Variants in ARHGAP26 observed in about 807,000 individuals in gnomAD.
ARHGAP26 encodes Rho GTPase activating protein 26.
Under a neutral mutation model 104.8 loss-of-function variants are expected in ARHGAP26, and 38 were observed. That is an observed-to-expected ratio of 0.36 (90% CI 0.28 to 0.48). The LOEUF is 0.48. Among genes scored for constraint, ARHGAP26 ranks in the 20% least tolerant of loss-of-function variants. The probability of loss-of-function intolerance (pLI) is 0.99; values close to 1 mark genes in which losing one functional copy is unlikely to be tolerated. For missense variants in ARHGAP26, 704 were observed against 947.9 expected, an observed-to-expected ratio of 0.74 and a Z score of 3.38; for synonymous variants, 341 against 340.0, an observed-to-expected ratio of 1.00 and a Z score of -0.03.
intron 20 of ARHGAP26, among the ~76,000 whole-genome samples, chr5:143,148,045 A>G (rs1799367789): frequency 6.6e-6 from 1 of 152,156 alleles, no homozygotes; most frequent in African/African-American, 2.4e-5. Flanking sequence ...TCAACCCCAC[A>G]TTGCTTCACA....
intron 18 of ARHGAP26, among the ~76,000 whole-genome samples, 158 bp downstream of exon 18, chr5:143,121,305 T>C (rs1443398859): frequency 6.6e-6 from 1 of 152,156 alleles, no homozygotes; most frequent in Non-Finnish European, 1.5e-5. Flanking sequence ...GTGATGATAA[T>C]GTAAGGTTGG....
chr5:142,878,584 A>G (rs1283679625), intron 3 of ARHGAP26, among the ~76,000 whole-genome samples: 9 of 152,044 alleles, frequency 5.9e-5, no homozygotes, highest in Admixed American at 5.9e-4. Flanking sequence ...GTAGTGGTGA[A>G]CCAGAACACA....
Position 143,227,010 on chromosome 5 carries a change from C to T in ARHGAP26, c.*4564C>T, listed in dbSNP as rs1811729132. ...AAGCTCTGTCTTGACTGCAGAGGCT[C>T]CAAAAGCATTCACAGTTGAGGGGGA... On this transcript the variant is annotated 3_prime_UTR_variant, in exon 23 of 23. Transcript: ENST00000645722. 4.4e-6 allele frequency: 1 copy of T among 228,838 alleles called. No individual in the cohort carries two copies. Among genetic ancestry groups the T allele is most frequent in the Non-Finnish European group, 8.7e-6 (1 of 115,404 alleles). 14.2% of individuals were successfully genotyped at this position (228,838 alleles called of 1,614,324 possible).
intron 3 of ARHGAP26, 37 bp downstream of exon 3, chr5:142,875,208 A>G (rs751119809): frequency 1.4e-5 from 23 of 1,600,406 alleles, no homozygotes; most frequent in Non-Finnish European, 1.5e-5. Context: ...CCCAGATAGT[A>G]TATTCGTGTT....
At chr5:143,122,242 G>A (rs993373466) in intron 18 of ARHGAP26, among the ~76,000 whole-genome samples, 40 of 152,016 alleles carry the variant, frequency 2.6e-4, no homozygotes, top group Admixed American at 1.3e-4. Flanking sequence ...ACCTGATCTC[G>A]TCTCCTGCAT....
At chr5:143,196,292 C>A (rs575812672) in intron 20 of ARHGAP26, among the ~76,000 whole-genome samples, 14 of 152,204 alleles carry the variant, frequency 9.2e-5, no homozygotes, top group African/African-American at 2.4e-4. Flanking sequence ...ATGTTTATGG[C>A]AATCAATTAG....
chr5:143,121,873 C>T (rs901859956), intron 18 of ARHGAP26, among the ~76,000 whole-genome samples: 1 of 152,104 alleles, frequency 6.6e-6, no homozygotes, highest in Admixed American at 6.6e-5. Context: ...TGCAGGGTTC[C>T]CTAAAGCACC....
intron 20 of ARHGAP26, among the ~76,000 whole-genome samples, chr5:143,187,034 A>G (rs1302843529): frequency 6.6e-6 from 1 of 152,228 alleles, no homozygotes. Flanking sequence ...AACAGCTACC[A>G]TTTAGTAAAC....
At chr5:143,020,552 A>G (rs1013721581) in intron 12 of ARHGAP26, among the ~76,000 whole-genome samples, 13 of 151,954 alleles carry the variant, frequency 8.6e-5, no homozygotes, top group African/African-American at 3.1e-4. Context: ...AGAAGAAAAA[A>G]TATAACACTT....
At chr5:142,937,173 T>C (rs1000904951) in intron 11 of ARHGAP26, among the ~76,000 whole-genome samples, 4 of 151,628 alleles carry the variant, frequency 2.6e-5, no homozygotes, top group African/African-American at 9.7e-5. Context: ...TAGGATTAAA[T>C]AAATAAATAA....
chr5:142,813,511 A>G (rs1048142027), intron 1 of ARHGAP26, among the ~76,000 whole-genome samples: 19 of 152,208 alleles, frequency 1.2e-4, no homozygotes, highest in Non-Finnish European at 1.3e-4. Flanking sequence ...GGCTACCATA[A>G]CAAGGTCCCA....
intron 6 of ARHGAP26, among the ~76,000 whole-genome samples, chr5:142,898,409 G>A (rs886281097): frequency 3.4e-4 from 52 of 152,246 alleles, no homozygotes; most frequent in African/African-American, 1.2e-3. Context: ...GTGCCCCAGA[G>A]AACTCATTCT....
chr5:143,025,499 A>G (rs938304984), intron 12 of ARHGAP26, among the ~76,000 whole-genome samples: 1 of 152,220 alleles, frequency 6.6e-6, no homozygotes, highest in African/African-American at 2.4e-5. Context: ...CGGTTGAGAA[A>G]TCAGTGCAAA....
intron 19 of ARHGAP26, among the ~76,000 whole-genome samples, chr5:143,142,473 A>G (rs1242657170): frequency 6.7e-6 from 1 of 150,294 alleles, no homozygotes; most frequent in East Asian, 1.9e-4. Flanking sequence ...GTCTATCATC[A>G]CCCAAACTCC....
chr5:142,871,992 G>A lies in ARHGAP26; in HGVS notation c.155-1408G>A, dbSNP rs1755380079. ...CGTGTGGGAGGGCAGTCCAGGAGCA[G>A]GAGCTGCAGCTGCTGTCCATGCAGT... On this transcript the variant is annotated intron_variant, in intron 1 of 22. Coordinates refer to ENST00000645722, the MANE Select transcript of ARHGAP26 (RefSeq NM_001135608.3). The surrounding 1 kb of genome is among the most constrained non-coding windows in gnomAD (Gnocchi z 4.1). Among the ~76,000 whole-genome samples, 1 of 152,222 alleles carries A rather than the reference G, an allele frequency of 6.6e-6. No individual in the cohort carries two copies. The highest frequency in any genetic ancestry group is 6.5e-5 in the Admixed American group (1 of 15,284).
At chr5:143,162,066 G>A (rs1801300248) in intron 20 of ARHGAP26, among the ~76,000 whole-genome samples, 1 of 152,044 alleles carries the variant, frequency 6.6e-6, no homozygotes, top group South Asian at 2.1e-4. Flanking sequence ...CTTGCGCAAT[G>A]CTGCTGGAAG....
Position 142,856,244 on chromosome 5 carries a change from G to A in ARHGAP26, c.155-17156G>A, listed in dbSNP as rs571509715. 6.6e-5 allele frequency among the ~76,000 whole-genome samples: 10 copies of A among 152,352 alleles called. No individual in the cohort carries two copies. The East Asian group carries it at 7.7e-4, about 12-fold the overall frequency. ...GTGGGGGCCAGCCTGGGCCATGTGC[G>A]TGAAGCCACACCTTGAAAGAGGTTC... On this transcript the variant is annotated intron_variant, in intron 1 of 22. Transcript: ENST00000645722.
At chr5:142,932,547 T>C (rs777643935) in intron 11 of ARHGAP26, among the ~76,000 whole-genome samples, 25 of 152,236 alleles carry the variant, frequency 1.6e-4, no homozygotes, top group Non-Finnish European at 3.2e-4. Flanking sequence ...GTTCTGCATC[T>C]TGTGACGTGT....
intron 1 of ARHGAP26, among the ~76,000 whole-genome samples, chr5:142,773,622 A>G (rs1440163911): frequency 6.6e-6 from 1 of 152,218 alleles, no homozygotes; most frequent in Non-Finnish European, 1.5e-5. Flanking sequence ...AGCCCTGGGT[A>G]GCAAAGACCA....
Sources: gnomAD v4.1 joint callset for allele counts (sites outside exome capture counted in the v4.1 genomes callset) on GRCh38, gnomAD v4.1.1 for gene constraint, Gnocchi (gnomAD v3.1) non-coding constraint, MANE v1.5 for transcripts, NCBI Gene and HGNC (gene_info 2026-07-23, HGNC 2026-07-21) for gene names.